PRIM2: variants seen among roughly 807,000 people sequenced by gnomAD.
PRIM2 encodes DNA primase subunit 2.
Under a neutral mutation model 67.3 loss-of-function variants are expected in PRIM2, and 39 were observed. That is an observed-to-expected ratio of 0.58 (90% confidence interval 0.45 to 0.76). The LOEUF (loss-of-function observed/expected upper bound fraction) is 0.76. Ranked by LOEUF, PRIM2 falls within the 30% of genes least tolerant of loss-of-function variation. The probability of loss-of-function intolerance (pLI) is 0.00; values close to 1 mark genes in which losing one functional copy is unlikely to be tolerated. For missense variants in PRIM2, 398 were observed against 598.7 expected (o/e 0.66, Z 3.50); for synonymous variants, 143 against 198.7 (o/e 0.72, Z 2.36).
chr6:57,324,836 T>C (rs1767791992), intron 4 of PRIM2, among the ~76,000 whole-genome samples: 1 of 152,202 alleles, frequency 6.6e-6, no homozygotes, highest in African/African-American at 2.4e-5. Context: ...TTAAAATTAA[T>C]AAGCTTATCA....
chr6:57,331,142 C>T (rs1364373066), intron 5 of PRIM2, among the ~76,000 whole-genome samples: 1 of 149,348 alleles, frequency 6.7e-6, no homozygotes, highest in Admixed American at 6.7e-5. Context: ...GAGCCGAGAT[C>T]GTACCACTGC....
intron 5 of PRIM2, among the ~76,000 whole-genome samples, chr6:57,345,379 C>T: frequency 6.6e-6 from 1 of 151,588 alleles, no homozygotes; most frequent in East Asian, 1.9e-4. Context: ...GTTGGCCAGG[C>T]TGGTCTCAAA....
intron 9 of PRIM2, among the ~76,000 whole-genome samples, chr6:57,534,454 G>A (rs1285774573): frequency 6.6e-6 from 1 of 152,042 alleles, no homozygotes; most frequent in Non-Finnish European, 1.5e-5. Flanking sequence ...TCTTTTGTTT[G>A]CTTGTTTTCC....
At chr6:57,608,945 A>G (rs1280693271) in intron 12 of PRIM2, among the ~76,000 whole-genome samples, 3 of 152,220 alleles carry the variant, frequency 2.0e-5, no homozygotes, top group Non-Finnish European at 4.4e-5. Flanking sequence ...TCGATTGTAC[A>G]TGCCTTTGCT....
chr6:57,636,139 T>C (rs1476256338), intron 13 of PRIM2, among the ~76,000 whole-genome samples: 2 of 152,076 alleles, frequency 1.3e-5, no homozygotes, highest in Non-Finnish European at 2.9e-5. Context: ...CAAAACATAA[T>C]TTTTTAAATC....
chr6:57,259,629 T>C, the PRIM2 span, among the ~76,000 whole-genome samples: 4 of 152,316 alleles, frequency 2.6e-5, no homozygotes, highest in African/African-American at 7.2e-5. Context: ...CCAACTGAGA[T>C]ATACTTCACC....
chr6:57,520,575 A>T (rs1774590668), intron 8 of PRIM2, among the ~76,000 whole-genome samples: 1 of 152,198 alleles, frequency 6.6e-6, no homozygotes, highest in Admixed American at 6.5e-5. Flanking sequence ...ATATGGTGAA[A>T]ATACCAATGT....
intron 7 of PRIM2, among the ~76,000 whole-genome samples, chr6:57,401,653 C>G (rs1581866474): frequency 6.6e-6 from 1 of 152,076 alleles, no homozygotes; most frequent in Non-Finnish European, 1.5e-5. Context: ...GAGAAAGGGA[C>G]CTTAGTAGTG....
intron 7 of PRIM2, among the ~76,000 whole-genome samples, chr6:57,504,982 A>G (rs1232507078): frequency 1.2e-4 from 18 of 152,366 alleles, no homozygotes; most frequent in African/African-American, 4.3e-4. Context: ...TGCAAGTGCT[A>G]GGGATGCAGT....
At chr6:57,565,448 T>G (rs1256975987) in intron 10 of PRIM2, among the ~76,000 whole-genome samples, 2 of 148,208 alleles carry the variant, frequency 1.3e-5, no homozygotes, top group African/African-American at 5.0e-5. Flanking sequence ...GGAAAGCCAG[T>G]GGTGTAGTTC....
chr6:57,619,110 C>T (rs1180237057), intron 12 of PRIM2, among the ~76,000 whole-genome samples: 1 of 152,164 alleles, frequency 6.6e-6, no homozygotes, highest in Non-Finnish European at 1.5e-5. Context: ...TGTGCAGAAA[C>T]CCCCAGTACT....
chr6:57,272,817 G>T, the PRIM2 span, among the ~76,000 whole-genome samples: 1 of 152,154 alleles, frequency 6.6e-6, no homozygotes, highest in Admixed American at 6.6e-5. Flanking sequence ...TTTAGGGCAG[G>T]CCTGATGGTG....
At chr6:57,274,854 G>A in the PRIM2 span, among the ~76,000 whole-genome samples, 6 of 151,900 alleles carry the variant, frequency 3.9e-5, no homozygotes, top group Non-Finnish European at 8.8e-5. Context: ...TCGGGTCACT[G>A]CAACCTCTGT....
intron 7 of PRIM2, among the ~76,000 whole-genome samples, chr6:57,453,566 C>G (rs1232140374): frequency 1.3e-5 from 2 of 152,142 alleles, no homozygotes; most frequent in Non-Finnish European, 2.9e-5. Context: ...TGGGAGTTCA[C>G]TCATGATTTG....
the PRIM2 span, among the ~76,000 whole-genome samples, chr6:57,278,385 A>G: frequency 2.0e-5 from 3 of 152,160 alleles, no homozygotes; most frequent in Non-Finnish European, 4.4e-5. Flanking sequence ...CTAGGGCACT[A>G]GGAAGTCTGT....
chr6:57,408,287 C>G (rs1770967341), intron 7 of PRIM2, among the ~76,000 whole-genome samples: 2 of 152,166 alleles, frequency 1.3e-5, no homozygotes, highest in South Asian at 4.1e-4. Flanking sequence ...CGCCCCTTTA[C>G]AGAGCCAGAG....
intron 10 of PRIM2, among the ~76,000 whole-genome samples, chr6:57,539,098 G>A (rs1442959980): frequency 2.0e-5 from 3 of 152,004 alleles, no homozygotes; most frequent in South Asian, 4.2e-4. Context: ...TGTCTTCATC[G>A]ACAATTATCC....
At chr6:57,292,957 A>G in the PRIM2 span, among the ~76,000 whole-genome samples, 596 of 152,366 alleles carry the variant, frequency 3.9e-3, 4 homozygotes, top group East Asian at 0.031. Context: ...AAACACCAAA[A>G]GCAATGGCAA....
rs575958629 is a variant in PRIM2 at position 57,422,158 on chromosome 6, C to CTTTTTTTTTTTTTTTTTTTTT, written c.693+40004_693+40005insTTTTTTTTTTTTTTTTTTTTT. Among the ~76,000 whole-genome samples, 253 of 103,230 alleles carry CTTTTTTTTTTTTTTTTTTTTT rather than the reference C, an allele frequency of 2.5e-3. 18 individuals are homozygous for CTTTTTTTTTTTTTTTTTTTTT. Among genetic ancestry groups the CTTTTTTTTTTTTTTTTTTTTT allele is most frequent in the Non-Finnish European group, 2.7e-3 (141 of 51,414 alleles). The allele number at this position is 103,230 out of a possible 152,430, so 67.7% of individuals were successfully genotyped here. On this transcript the variant is annotated intron_variant, in intron 7 of 13. Coordinates refer to ENST00000615550, the MANE Select transcript of PRIM2 (RefSeq NM_000947.5). ...AAATTCAAAAGTATTTCTTTTCTTT[C>CTTTTTTTTTTTTTTTTTTTTT]TTTTTTTTTTTTTTGAGATGGAGTC...
Sources: gnomAD v4.1 joint callset for allele counts (sites outside exome capture counted in the v4.1 genomes callset) on GRCh38, gnomAD v4.1.1 for gene constraint, MANE v1.5 for transcripts, NCBI Gene and HGNC (gene_info 2026-07-23, HGNC 2026-07-21) for gene names.